The following PTPRJ variants were observed in gnomAD, a reference collection of about 807,000 sequenced individuals.
PTPRJ encodes the protein protein tyrosine phosphatase receptor type J.
A neutral mutation model predicts 141.3 loss-of-function variants in PTPRJ; 129 were observed. The observed-to-expected ratio is 0.91, with a 90% CI of 0.79 to 1.06. The LOEUF (loss-of-function observed/expected upper bound fraction) is 1.06. PTPRJ is among the 50% of genes least tolerant of loss of function. PTPRJ has a pLI of 0.00. For synonymous variants in PTPRJ, 610 were observed against 640.5 expected (o/e 0.95, Z 0.72); for missense variants, 1,601 against 1,679.7 (o/e 0.95, Z 0.82).
intron 1 of PTPRJ, chr11:48,014,670 A>G (rs1854904772): frequency 1.3e-5 from 2 of 152,104 alleles, no homozygotes; most frequent in African/African-American, 4.8e-5. Context: ...TTTACCCCTC[A>G]CAACAGCCTG....
At chr11:47,996,829 T>C (rs1181385903) in intron 1 of PTPRJ, among the ~76,000 whole-genome samples, 3 of 152,154 alleles carry the variant, frequency 2.0e-5, no homozygotes, top group African/African-American at 7.2e-5. Context: ...AGAGAAATCG[T>C]TGGAGATGGG....
intron 1 of PTPRJ, among the ~76,000 whole-genome samples, chr11:47,984,470 A>G (rs1853993683): frequency 6.6e-6 from 1 of 152,206 alleles, no homozygotes; most frequent in East Asian, 1.9e-4. Flanking sequence ...AACATTATGC[A>G]TGACAGGCAC....
chr11:48,158,196 AAT>A lies in PTPRJ; in HGVS notation c.3439-1732_3439-1731del, dbSNP rs1857661359. Among the ~76,000 whole-genome samples the A allele has an allele frequency of 6.6e-6, 1 of 152,190 alleles. No individual in the cohort carries two copies. Among genetic ancestry groups the A allele is most frequent in the Non-Finnish European group, 1.5e-5 (1 of 68,020 alleles). On this transcript the variant is annotated intron_variant, in intron 21 of 24. Coordinates refer to ENST00000418331, the MANE Select transcript of PTPRJ (RefSeq NM_002843.4). This position sits in a 1 kb window ranked among gnomAD's most constrained non-coding sequence, Gnocchi z 4.4. ...AAAGAAGAATGCAAATAAGCTTTTT[AAT>A]ACTGTTGAGCCCAGGGCCTTATACA...
intron 1 of PTPRJ, among the ~76,000 whole-genome samples, chr11:48,078,788 GTAAA>G (rs1407864680): frequency 7.3e-6 from 1 of 137,690 alleles, no homozygotes; most frequent in East Asian, 2.2e-4. Flanking sequence ...GTCAGTGTCT[GTAAA>G]TAGTTTTTTT....
At chr11:48,157,974 G>A (rs929864363) in intron 21 of PTPRJ, among the ~76,000 whole-genome samples, 14 of 152,298 alleles carry the variant, frequency 9.2e-5, no homozygotes, top group South Asian at 6.2e-4. Context: ...CCAACATGGC[G>A]AAACCCATCT....
intron 1 of PTPRJ, among the ~76,000 whole-genome samples, chr11:48,033,938 C>T (rs77807689): frequency 0.024 from 3,623 of 152,310 alleles, 145 homozygotes; most frequent in African/African-American, 0.083. Flanking sequence ...GCAAACGCTT[C>T]ACTTCCTAAA....
intron 22 of PTPRJ, among the ~76,000 whole-genome samples, chr11:48,162,655 G>T (rs1857815329): frequency 6.6e-6 from 1 of 152,236 alleles, no homozygotes. Context: ...AATGCCTGCA[G>T]TGCAGATGTA....
chr11:48,148,700 G>T (rs12281882), intron 15 of PTPRJ, among the ~76,000 whole-genome samples: 1,598 of 152,280 alleles, frequency 0.01, 25 homozygotes, highest in African/African-American at 0.036. Context: ...CTCTTAAAGT[G>T]CTGGGATTAC....
chr11:48,167,242 T>C lies in PTPRJ; in HGVS notation c.3894T>C (p.Ile1298=), dbSNP rs771716223. ...TCCTCAATCAGTGTGTTTTGGATAT[T>C]GTCAGATCCCAGAAAGACTCAAAAG... ...YVFLNQCVLD[I]VRSQKDSKVD... Residue 1298 remains isoleucine (I), a synonymous_variant, in exon 25 of 25, where the codon ATT becomes ATC. Coordinates refer to ENST00000418331, the MANE Select transcript of PTPRJ (RefSeq NM_002843.4). 4.3e-6 allele frequency: 7 copies of C among 1,612,320 alleles called. No homozygotes were observed. Among genetic ancestry groups the C allele is most frequent in the Non-Finnish European group, 5.9e-6 (7 of 1,178,478 alleles).
At chr11:48,114,339 G>A (rs568894330) in intron 3 of PTPRJ, among the ~76,000 whole-genome samples, 11 of 148,896 alleles carry the variant, frequency 7.4e-5, no homozygotes, top group African/African-American at 2.5e-4. Flanking sequence ...TCGGGAGGCT[G>A]AGGCAGGAGA....
chr11:48,115,734 AG>A (rs1261930491), intron 3 of PTPRJ, among the ~76,000 whole-genome samples: 1 of 152,220 alleles, frequency 6.6e-6, no homozygotes, highest in Non-Finnish European at 1.5e-5. Context: ...AATAACTTGC[AG>A]GGGGGATATG....
At chr11:48,059,202 A>C (rs919510867) in intron 1 of PTPRJ, among the ~76,000 whole-genome samples, 7 of 144,016 alleles carry the variant, frequency 4.9e-5, no homozygotes, top group Non-Finnish European at 8.9e-5. Flanking sequence ...AGCTCACTGC[A>C]ACCTCTGCCT....
At chr11:48,102,584 T>TA (rs1856176174) in intron 1 of PTPRJ, among the ~76,000 whole-genome samples, 1 of 151,964 alleles carries the variant, frequency 6.6e-6, no homozygotes, top group Non-Finnish European at 1.5e-5. Flanking sequence ...TGTATATATA[T>TA]TTTTTTCAGT....
chr11:48,060,982 T>C (rs1205387225), intron 1 of PTPRJ, among the ~76,000 whole-genome samples: 1 of 152,196 alleles, frequency 6.6e-6, no homozygotes, highest in Non-Finnish European at 1.5e-5. Flanking sequence ...TTCCTCTTAA[T>C]CTCAATCTCT....
At position 48,144,682 on chromosome 11, in the gene PTPRJ, C is replaced by T; in HGVS notation, c.2583C>T (p.His861=). 1 of 1,613,542 alleles carries T rather than the reference C, an allele frequency of 6.2e-7. No homozygotes were observed. The highest frequency in any genetic ancestry group is 1.7e-5 in the Admixed American group (1 of 60,020). The change falls in exon 13 of 25, where the codon CAC becomes CAT. Residue 861 remains histidine, a synonymous_variant. Coordinates refer to ENST00000418331, the MANE Select transcript of PTPRJ (RefSeq NM_002843.4). ...AVILTTGEAG[H]PSADVLKYTY... is the part of the protein sequence containing the mutation. ...TCTGTGTACCTTTCTTAGCTGGTCA[C>T]CCTTCTGCAGATGTCCTGAAATACA...
At chr11:48,048,610 A>G (rs1406843125) in intron 1 of PTPRJ, among the ~76,000 whole-genome samples, 1 of 151,930 alleles carries the variant, frequency 6.6e-6, no homozygotes, top group African/African-American at 2.4e-5. Flanking sequence ...CCTGGCCAAC[A>G]CGGCGAAACC....
intron 1 of PTPRJ, among the ~76,000 whole-genome samples, chr11:48,016,394 C>T (rs1854951010): frequency 6.6e-6 from 1 of 152,232 alleles, no homozygotes; most frequent in Admixed American, 6.5e-5. Flanking sequence ...GAAATGACTT[C>T]ACCCACCAGG....
chr11:48,048,754 A>G (rs1278652038), intron 1 of PTPRJ, among the ~76,000 whole-genome samples: 2 of 152,226 alleles, frequency 1.3e-5, no homozygotes, highest in Non-Finnish European at 2.9e-5. Context: ...AGATTGTGCC[A>G]CTGCACTCCA....
At chr11:48,002,278 C>T (rs1854518985) in intron 1 of PTPRJ, among the ~76,000 whole-genome samples, 1 of 151,854 alleles carries the variant, frequency 6.6e-6, no homozygotes, top group African/African-American at 2.4e-5. Flanking sequence ...GCTGGGATTA[C>T]AGGAGGCTGC....
Sources: gnomAD v4.1 joint callset for allele counts (sites outside exome capture counted in the v4.1 genomes callset) on GRCh38, gnomAD v4.1.1 for gene constraint, Gnocchi (gnomAD v3.1) non-coding constraint, MANE v1.5 for transcripts, NCBI Gene and HGNC (gene_info 2026-07-23, HGNC 2026-07-21) for gene names.